MET: variants seen among roughly 807,000 people sequenced by gnomAD.
The protein encoded by MET is MET proto-oncogene, receptor tyrosine kinase, also known as hepatocyte growth factor receptor.
A neutral mutation model predicts 133.1 loss-of-function variants in MET; 48 were observed. The ratio of observed to expected loss-of-function variants is 0.36; its 90% CI spans 0.29 to 0.46. The LOEUF is 0.46. Ranked by LOEUF, MET falls within the 20% of genes least tolerant of loss-of-function variation. The probability of loss-of-function intolerance (pLI) is 1.00; values close to 1 mark genes in which losing one functional copy is unlikely to be tolerated. For missense variants in MET, 1,442 were observed against 1,695.9 expected, an observed-to-expected ratio of 0.85 and a Z score of 2.63; for synonymous variants, 628 against 616.5, an observed-to-expected ratio of 1.02 and a Z score of -0.28.
chr7:116,788,506 G>A (rs1795384353), intron 19 of MET, among the ~76,000 whole-genome samples: 1 of 152,100 alleles, frequency 6.6e-6, no homozygotes, highest in African/African-American at 2.4e-5. Flanking sequence ...ACAGCACAGA[G>A]GCCAAGGCTT....
chr7:116,719,771 C>G (rs1446601186), intron 2 of MET, among the ~76,000 whole-genome samples: 9 of 132,770 alleles, frequency 6.8e-5, no homozygotes, highest in African/African-American at 2.2e-4. Flanking sequence ...GCTTGTTTTT[C>G]TCAGGTTTGT....
chr7:116,762,958 T>C (rs1206070562), intron 10 of MET, 92 bp from the exon 11 acceptor site: 2 of 1,077,060 alleles, frequency 1.9e-6, no homozygotes, highest in African/African-American at 3.2e-5. Flanking sequence ...AAATTATATA[T>C]TTTCAATTGA....
intron 12 of MET, among the ~76,000 whole-genome samples, chr7:116,771,107 G>A (rs773923004): frequency 2.6e-5 from 4 of 152,064 alleles, no homozygotes; most frequent in Admixed American, 6.6e-5. Context: ...CCACCCCACC[G>A]TCCAGGACAG....
In MET at chr7:116,796,305, A is replaced by T. The variant is rs1309737976; in HGVS notation, c.*181A>T. ...TTATCTGACAGAGCATCAGAACCAG[A>T]GGCTTGGTCCCACAGGCCACGGACC... On this transcript the variant is annotated 3_prime_UTR_variant, in exon 21 of 21. Coordinates refer to ENST00000397752, the MANE Select transcript of MET (RefSeq NM_000245.4). The T allele has an allele frequency of 2.0e-5, 13 of 662,596 alleles. No individual in the cohort carries two copies. The highest frequency in any genetic ancestry group is 1.7e-4 in the Admixed American group (7 of 41,738). 41.0% of individuals were successfully genotyped at this position (662,596 alleles called of 1,614,324 possible). A position where few individuals can be genotyped will look rare whatever the true frequency, so the allele number is the denominator to read the frequency against.
At chr7:116,755,009 A>AAAGAAAGG in intron 5 of MET, among the ~76,000 whole-genome samples, 1 of 150,554 alleles carries the variant, frequency 6.6e-6, no homozygotes, top group East Asian at 1.9e-4. Flanking sequence ...AGAAAGAAAG[A>AAAGAAAGG]AAGAAAGAAA....
At chr7:116,691,969 G>A (rs1198808105) in intron 1 of MET, among the ~76,000 whole-genome samples, 1 of 152,170 alleles carries the variant, frequency 6.6e-6, no homozygotes, top group Non-Finnish European at 1.5e-5. Context: ...TTTCAAAAGA[G>A]TTGCCGGTAT....
chr7:116,791,454 G>A (rs1041875366), intron 19 of MET, among the ~76,000 whole-genome samples: 2 of 152,212 alleles, frequency 1.3e-5, no homozygotes, highest in Admixed American at 1.3e-4. Context: ...GGCTAGTGAT[G>A]TCGAGCCTCT....
intron 5 of MET, among the ~76,000 whole-genome samples, chr7:116,748,910 A>AACTTCT (rs1793807445): frequency 2.0e-5 from 3 of 152,250 alleles, no homozygotes; most frequent in Non-Finnish European, 2.9e-5. Flanking sequence ...ACTAGGAAGA[A>AACTTCT]GTTGAATCCC....
chr7:116,690,772 C>T (rs1796755259), intron 1 of MET, among the ~76,000 whole-genome samples: 1 of 152,164 alleles, frequency 6.6e-6, no homozygotes, highest in Admixed American at 6.5e-5. Context: ...ATCTTCAAAT[C>T]CACGGACTGT....
At chr7:116,778,411 AT>A (rs1366491336) in intron 16 of MET, among the ~76,000 whole-genome samples, 1 of 152,268 alleles carries the variant, frequency 6.6e-6, no homozygotes, top group East Asian at 1.9e-4. Context: ...TCTTTTTAAA[AT>A]ATAAATCAAC....
At chr7:116,777,299 G>A (rs1378759032) in intron 15 of MET, 90 bp from the exon 16 acceptor site, 9 of 1,093,848 alleles carry the variant, frequency 8.2e-6, no homozygotes, top group Non-Finnish European at 1.3e-5. Context: ...AAAGAAGAAA[G>A]AATAAAATGA....
In MET at chr7:116,771,345, T is replaced by A. The variant is rs181712796; in HGVS notation, c.2731-153T>A. On this transcript the variant is annotated intron_variant, in intron 12 of 20. Coordinates refer to ENST00000397752, the MANE Select transcript of MET (RefSeq NM_000245.4). ...CCCTAATTATTTGAACACTGGAGCA[T>A]AATTGAGGAATCTCTTATTATCCTG... Among the ~76,000 whole-genome samples the A allele has an allele frequency of 5.8e-4, 88 of 152,344 alleles. 1 individual carries two copies. Among genetic ancestry groups the A allele is most frequent in the African/African-American group, 2.0e-3 (83 of 41,586 alleles).
intron 10 of MET, 93 bp downstream of exon 10, chr7:116,759,583 C>G (rs1794317060): frequency 7.0e-7 from 1 of 1,421,970 alleles, no homozygotes; most frequent in Non-Finnish European, 9.7e-7. Flanking sequence ...TCAGTTTCGC[C>G]TTTAAGGTTT....
chr7:116,698,663 T>C (rs530501129), intron 1 of MET, among the ~76,000 whole-genome samples: 1 of 152,348 alleles, frequency 6.6e-6, no homozygotes, highest in South Asian at 2.1e-4. Flanking sequence ...GTTCCTTTAC[T>C]TGACTAACAG....
At chr7:116,756,149 G>A (rs1411310411) in intron 6 of MET, among the ~76,000 whole-genome samples, 1 of 152,160 alleles carries the variant, frequency 6.6e-6, no homozygotes, top group Non-Finnish European at 1.5e-5. Context: ...GTAATCCAGA[G>A]AGTAAGAGCT....
intron 11 of MET, among the ~76,000 whole-genome samples, chr7:116,766,513 T>C (rs184428583): frequency 3.3e-4 from 50 of 152,316 alleles, no homozygotes; most frequent in African/African-American, 1.2e-3. Flanking sequence ...GCCAGCCAGA[T>C]GTTGTCCTTC....
intron 4 of MET, 24 bp from the exon 5 acceptor site, chr7:116,740,828 T>A: frequency 6.2e-7 from 1 of 1,613,480 alleles, no homozygotes; most frequent in Non-Finnish European, 8.5e-7. Flanking sequence ...CTCTGGAAGC[T>A]CTTTCCACCC....
At chr7:116,687,762 C>CT in intron 1 of MET, among the ~76,000 whole-genome samples, 1 of 152,190 alleles carries the variant, frequency 6.6e-6, no homozygotes. Flanking sequence ...TAAATTCAGA[C>CT]CTAAGAGAAA....
At chr7:116,752,745 T>C (rs1345699239) in intron 5 of MET, among the ~76,000 whole-genome samples, 1 of 152,178 alleles carries the variant, frequency 6.6e-6, no homozygotes, top group Non-Finnish European at 1.5e-5. Context: ...CCCAATCCGT[T>C]TGCCTTTTAT....
Sources: allele counts gnomAD v4.1 joint callset (sites outside exome capture counted in the v4.1 genomes callset), GRCh38; gene constraint gnomAD v4.1.1; transcripts MANE v1.5; gene names NCBI Gene and HGNC (gene_info 2026-07-23, HGNC 2026-07-21).